The following PRIM2 variants were observed in gnomAD, a reference collection of about 807,000 sequenced individuals.
PRIM2 encodes the protein DNA primase subunit 2, also known as DNA primase large subunit.
Under a neutral mutation model 67.3 loss-of-function variants are expected in PRIM2, and 39 were observed. The ratio of observed to expected loss-of-function variants is 0.58; its 90% confidence interval spans 0.45 to 0.76. The LOEUF is 0.76. PRIM2 is among the 30% of genes least tolerant of loss of function. PRIM2 has a pLI of 0.00. For synonymous variants in PRIM2, 143 were observed against 198.7 expected (o/e 0.72, Z 2.36); for missense variants, 398 against 598.7 (o/e 0.66, Z 3.50).
At chr6:57,484,433 A>G (rs1309562205) in intron 7 of PRIM2, among the ~76,000 whole-genome samples, 65 of 152,266 alleles carry the variant, frequency 4.3e-4, no homozygotes, top group African/African-American at 1.5e-3. Context: ...AACTGAACTC[A>G]GTTTGCTTGG....
chr6:57,483,064 C>T (rs1319778173), intron 7 of PRIM2, among the ~76,000 whole-genome samples: 5 of 152,032 alleles, frequency 3.3e-5, no homozygotes, highest in South Asian at 2.1e-4. Context: ...TGTGACACCA[C>T]GCCTGGCTAA....
upstream of PRIM2, among the ~76,000 whole-genome samples, chr6:57,310,240 T>G (rs1191841797): frequency 1.3e-5 from 2 of 152,136 alleles, no homozygotes; most frequent in Admixed American, 1.3e-4. Context: ...AAAACCACAA[T>G]GTGGTGATGA....
At chr6:57,614,681 T>C (rs1301290055) in intron 12 of PRIM2, among the ~76,000 whole-genome samples, 3 of 152,194 alleles carry the variant, frequency 2.0e-5, no homozygotes, top group Non-Finnish European at 4.4e-5. Flanking sequence ...AAACCGCGTC[T>C]CTACTAATAA....
At chr6:57,389,364 C>G (rs1298615235) in intron 7 of PRIM2, among the ~76,000 whole-genome samples, 1 of 152,168 alleles carries the variant, frequency 6.6e-6, no homozygotes, top group Non-Finnish European at 1.5e-5. Flanking sequence ...ATCCTTCTAC[C>G]TGAGCCTCCT....
At chr6:57,582,820 G>A (rs1776120518) in intron 10 of PRIM2, among the ~76,000 whole-genome samples, 1 of 149,836 alleles carries the variant, frequency 6.7e-6, no homozygotes, top group Non-Finnish European at 1.5e-5. Flanking sequence ...AAGTTTTAGG[G>A]TACATGTGCA....
chr6:57,578,267 G>A (rs1775998999), intron 10 of PRIM2, among the ~76,000 whole-genome samples: 1 of 152,072 alleles, frequency 6.6e-6, no homozygotes, highest in African/African-American at 2.4e-5. Context: ...TATCTGCTGG[G>A]TTTCTCCACT....
At chr6:57,425,771 G>A (rs1228882855) in intron 7 of PRIM2, among the ~76,000 whole-genome samples, 2 of 152,164 alleles carry the variant, frequency 1.3e-5, no homozygotes, top group African/African-American at 4.8e-5. Context: ...AGGGACAGAG[G>A]GTGGTGGAGA....
At chr6:57,425,852 A>G (rs1452836460) in intron 7 of PRIM2, among the ~76,000 whole-genome samples, 1 of 152,076 alleles carries the variant, frequency 6.6e-6, no homozygotes, top group Non-Finnish European at 1.5e-5. Flanking sequence ...TGGTCAGTTA[A>G]AGTATGGTAA....
intron 7 of PRIM2, among the ~76,000 whole-genome samples, chr6:57,470,446 C>CTCTCCCCTCTCCCCG (rs1773311411): frequency 2.2e-5 from 2 of 90,626 alleles, no homozygotes; most frequent in African/African-American, 8.9e-5. Flanking sequence ...CCCTCTCCCC[C>CTCTCCCCTCTCCCCG]TCTCCCCTCT....
At chr6:57,626,232 G>C (rs1383316375) in intron 12 of PRIM2, among the ~76,000 whole-genome samples, 4 of 152,252 alleles carry the variant, frequency 2.6e-5, no homozygotes, top group African/African-American at 9.6e-5. Context: ...TGAAGCAAAA[G>C]AGAGAGAGGA....
chr6:57,263,350 C>T, the PRIM2 span, among the ~76,000 whole-genome samples: 1 of 152,172 alleles, frequency 6.6e-6, no homozygotes, highest in Non-Finnish European at 1.5e-5. Context: ...TAGAGCCATC[C>T]TCTCTCTGAA....
chr6:57,357,530 T>C (rs566739006), intron 5 of PRIM2, among the ~76,000 whole-genome samples: 2 of 152,236 alleles, frequency 1.3e-5, no homozygotes, highest in Admixed American at 6.5e-5. Context: ...CTGTCATGTA[T>C]CAGCTTAAAC....
intron 5 of PRIM2, among the ~76,000 whole-genome samples, chr6:57,335,821 C>T (rs909095836): frequency 9.8e-5 from 15 of 152,312 alleles, no homozygotes; most frequent in South Asian, 2.1e-4. Context: ...TCCAAAGGAA[C>T]GCAGTTCCTC....
chr6:57,380,584 G>A (rs567480831), intron 6 of PRIM2, among the ~76,000 whole-genome samples: 37 of 152,140 alleles, frequency 2.4e-4, no homozygotes, highest in African/African-American at 8.2e-4. Context: ...AGAGGGAAGA[G>A]TTTAAATTCA....
chr6:57,532,826 T>C (rs1774920678), intron 9 of PRIM2, among the ~76,000 whole-genome samples: 1 of 152,200 alleles, frequency 6.6e-6, no homozygotes, highest in South Asian at 2.1e-4. Flanking sequence ...GTTAGGGTTG[T>C]CATGACAACG....
chr6:57,635,013 C>T (rs1289387685), intron 13 of PRIM2, among the ~76,000 whole-genome samples: 9 of 152,120 alleles, frequency 5.9e-5, no homozygotes, highest in African/African-American at 2.2e-4. Context: ...TTTTTACTGT[C>T]AGGTTTCTGC....
At chr6:57,452,160 C>T (rs975397382) in intron 7 of PRIM2, among the ~76,000 whole-genome samples, 1 of 152,094 alleles carries the variant, frequency 6.6e-6, no homozygotes, top group Non-Finnish European at 1.5e-5. Context: ...ATATGTGCCA[C>T]ATTTTCTTTA....
At chr6:57,495,826 C>T (rs1554346339) in intron 7 of PRIM2, among the ~76,000 whole-genome samples, 49,771 of 151,978 alleles carry the variant, frequency 0.33, 8,142 homozygotes, top group East Asian at 0.45. Context: ...TAACTGCAGC[C>T]TTGATCTCCT....
intron 7 of PRIM2, among the ~76,000 whole-genome samples, chr6:57,464,419 A>T (rs1773119536): frequency 6.6e-6 from 1 of 152,024 alleles, no homozygotes; most frequent in Non-Finnish European, 1.5e-5. Flanking sequence ...CTGGAATTAC[A>T]GGCACGTGCC....
Sources: allele counts gnomAD v4.1 joint callset (sites outside exome capture counted in the v4.1 genomes callset), GRCh38; gene constraint gnomAD v4.1.1; transcripts MANE v1.5; gene names NCBI Gene and HGNC (gene_info 2026-07-23, HGNC 2026-07-21).